The following PER1 variants were observed in gnomAD, a reference collection of about 807,000 sequenced individuals.
PER1 encodes the protein period circadian protein homolog 1.
A neutral mutation model predicts 125.9 loss-of-function variants in PER1; 87 were observed. The observed-to-expected ratio is 0.69, with a 90% confidence interval of 0.58 to 0.83. The LOEUF (loss-of-function observed/expected upper bound fraction) is 0.83. PER1 is among the 40% of genes least tolerant of loss of function. The pLI, the probability that PER1 is intolerant of heterozygous loss-of-function variation, is 0.00. For missense variants in PER1, 1,775 were observed against 1,722.8 expected, an observed-to-expected ratio of 1.03 and a Z score of -0.54; for synonymous variants, 801 against 714.7, an observed-to-expected ratio of 1.12 and a Z score of -1.93.
intron 17 of PER1, 112 bp from the exon 18 acceptor site, chr17:8,145,105 C>T (rs909258189): frequency 1.2e-5 from 14 of 1,180,218 alleles, no homozygotes; most frequent in African/African-American, 7.8e-5. Context: ...CTCTGCCCCA[C>T]AGCCAAGCCT....
chr17:8,143,183 G>T, intron 19 of PER1, 83 bp downstream of exon 19: 1 of 1,041,986 alleles, frequency 9.6e-7, no homozygotes, highest in Non-Finnish European at 1.3e-6. Context: ...CGCCAGCCTG[G>T]CAGAGACAGC....
Position 8,150,697 on chromosome 17 carries a change from G to A in PER1, c.10C>T (p.Pro4Ser), listed in dbSNP as rs1982807676. The A allele has an allele frequency of 2.6e-6, 4 of 1,558,452 alleles. No homozygotes were observed. Among genetic ancestry groups the A allele is most frequent in the Non-Finnish European group, 3.5e-6 (4 of 1,157,920 alleles). MSGPLEGADGGGDP... is the reference protein window; with the variant it reads MSGSLEGADGGGDP... ...CCTCCCCCATCAGCCCCTTCTAGGG[G>A]GCCACTCATGTCTGGGCCATGGGGA... Residue 4 changes from proline to serine, a missense_variant, in exon 2 of 23, where the codon CCC becomes TCC. By Grantham distance (74) the Pro-to-Ser change is moderately conservative. Transcript: ENST00000317276.
In PER1 at chr17:8,143,314, G is replaced by A. The variant is rs201554235; in HGVS notation, c.3024C>T (p.Ala1008=). The A allele has an allele frequency of 1.9e-3, 2,998 of 1,595,170 alleles. 40 individuals are homozygous for A. The South Asian group carries it at 0.029, about 15-fold the overall frequency. ...CCTCCGCACTGGGAGGTGGGGGCCC[G>A]GCACTGCTCCCAGGGCCTCCTGCAA... ...AAVAGGPGSS[A]GPPPPSAEAA... The change falls in exon 19 of 23, where the codon GCC becomes GCT. Residue 1008 remains alanine, a synonymous_variant. Coordinates refer to ENST00000317276, the MANE Select transcript of PER1 (RefSeq NM_002616.3).
intron 17 of PER1, 38 bp from the exon 18 acceptor site, chr17:8,145,031 C>T (rs779433055): frequency 2.1e-6 from 3 of 1,438,748 alleles, no homozygotes; most frequent in African/African-American, 1.4e-5. Flanking sequence ...ATCAGAACCA[C>T]TTCAGGGGTC....
chr17:8,149,370 A>G, intron 6 of PER1, 60 bp from the exon 7 acceptor site: 1 of 1,607,302 alleles, frequency 6.2e-7, no homozygotes, highest in Non-Finnish European at 8.5e-7. Context: ...GCTGCGAAGA[A>G]TCCACTAAGG....
At position 8,150,660 on chromosome 17, in the gene PER1, G is replaced by A. The variant is rs753765505; in HGVS notation, c.47C>T (p.Pro16Leu). ...EGADGGGDPR[P>L]GESFCPGGVP... The stretch of plus-strand genomic sequence containing the variant: ...GCCCCCAGGACAAAATGATTCCCCA[G>A]GCCTGGGGTCCCCTCCCCCATCAGC... The change falls in exon 2 of 23, where the codon CCT becomes CTT. Residue 16 changes from proline (P) to leucine (L), a missense_variant. Transcript: ENST00000317276. 32 of 1,599,438 alleles carry A rather than the reference G, an allele frequency of 2.0e-5. No homozygotes were observed. The highest frequency in any genetic ancestry group is 2.7e-5 in the Non-Finnish European group (32 of 1,173,880).
Position 8,147,654 on chromosome 17 carries a change from CG to C in PER1, c.1388+19del. On this transcript the variant is annotated intron_variant, in intron 11 of 22. Coordinates refer to ENST00000317276, the MANE Select transcript of PER1 (RefSeq NM_002616.3). ...CACTGCCCTATCCCCAACGCCAGCT[CG>C]GGGGCATGGCCCACTTACGTGCGTA... is the stretch of plus-strand genomic sequence containing the variant. 6.2e-7 allele frequency: 1 copy of C among 1,613,816 alleles called. No homozygotes were observed. The highest frequency in any genetic ancestry group is 8.5e-7 in the Non-Finnish European group (1 of 1,179,956).
At chr17:8,151,982 G>A (rs1313910435) in intron 1 of PER1, among the ~76,000 whole-genome samples, 4 of 152,246 alleles carry the variant, frequency 2.6e-5, no homozygotes, top group African/African-American at 4.8e-5. Context: ...GGAGAACAGA[G>A]ACACGGGGAG....
In PER1 at chr17:8,146,133, C is replaced by T. The variant is rs1162785538; in HGVS notation, c.2043G>A (p.Pro681=). The change falls in exon 17 of 23, where the codon CCG becomes CCA. Residue 681 remains proline, a synonymous_variant. Transcript: ENST00000317276. ...GPVSVGTKKD[P]PSAALSGEGA... The stretch of plus-strand genomic sequence containing the variant: ...CCTCCCCAGACAGCGCTGCTGACGG[C>T]GGATCTGTGCAGAGAGATGGTGCCA... 1.5e-5 allele frequency: 24 copies of T among 1,598,520 alleles called. No homozygotes were observed. Among genetic ancestry groups the T allele is most frequent in the Non-Finnish European group, 1.7e-5 (20 of 1,172,576 alleles).
At chr17:8,145,814 G>C (rs1360405748) in intron 17 of PER1, 144 bp downstream of exon 17, 2 of 874,428 alleles carry the variant, frequency 2.3e-6, no homozygotes, top group East Asian at 5.3e-5. Flanking sequence ...GGAGGGGAGA[G>C]CAAGAAGCAG....
rs149659373 is a variant in PER1 at position 8,142,685 on chromosome 17, A to C, written c.3223T>G (p.Ser1075Ala). The change falls in exon 20 of 23, where the codon TCC (serine) becomes GCC (alanine). Residue 1075 changes from serine to alanine, a missense_variant. By Grantham distance (99) the Ser-to-Ala change is moderately conservative. Coordinates refer to ENST00000317276, the MANE Select transcript of PER1 (RefSeq NM_002616.3). The stretch of plus-strand genomic sequence containing the variant: ...GCTGAGGTGCTGCCCCCTTCATGGG[A>C]GCCTGAACCAGACCCAGAGCCCAAG... Reference protein sequence around the residue: ...SGLGSGSGSGSHEGGSTSASI... With the variant: ...SGLGSGSGSGAHEGGSTSASI... 4 of 1,613,928 alleles carry C rather than the reference A, an allele frequency of 2.5e-6. No homozygotes were observed. Among genetic ancestry groups the C allele is most frequent in the Non-Finnish European group, 3.4e-6 (4 of 1,180,000 alleles).
Position 8,142,365 on chromosome 17 carries a change from C to T in PER1, c.3353G>A (p.Gly1118Glu). The change falls in exon 21 of 23, where the codon GGG (glycine) becomes GAG (glutamate). Residue 1118 changes from glycine (G) to glutamate (E), a missense_variant. Physicochemically the swap from Gly to Glu is moderately conservative, Grantham distance 98 (BLOSUM62 -2). Transcript: ENST00000317276. ...AGAARGGAEP[G>E]DQVIKYVLQD... ...GAGCACGTACTTAATCACCTGGTCC[C>T]CAGGCTCAGCCCCGCCCCGAGCAGC... 1 of 1,613,838 alleles carries T rather than the reference C, an allele frequency of 6.2e-7. No homozygotes were observed. The highest frequency in any genetic ancestry group is 8.5e-7 in the Non-Finnish European group (1 of 1,179,930).
intron 18 of PER1, 180 bp from the exon 19 acceptor site, chr17:8,144,056 C>T (rs1275736354): frequency 1.1e-5 from 10 of 927,648 alleles, no homozygotes; most frequent in South Asian, 4.0e-5. Flanking sequence ...ATCACAGGAG[C>T]CAGGGACAAG....
At position 8,150,744 on chromosome 17, in the gene PER1, G is replaced by A. The variant is rs1412336963; in HGVS notation, c.-38C>T. 1 of 1,498,820 alleles carries A rather than the reference G, an allele frequency of 6.7e-7. No individual in the cohort carries two copies. The highest frequency in any genetic ancestry group is 1.3e-5 in the South Asian group (1 of 74,952). 92.8% of individuals were successfully genotyped at this position (1,498,820 alleles called of 1,614,324 possible). ...GGGAGAACAGAACAGAGAAGGCAGA[G>A]AGGCCACCACGGATGCACGAGGGGG... On this transcript the variant is annotated 5_prime_UTR_variant, in exon 2 of 23. Coordinates refer to ENST00000317276, the MANE Select transcript of PER1 (RefSeq NM_002616.3).
chr17:8,150,960 G>A, intron 1 of PER1, 115 bp from the exon 2 acceptor site: 1 of 467,476 alleles, frequency 2.1e-6, no homozygotes, highest in East Asian at 3.2e-5. Context: ...TGATGGGAGT[G>A]GAACCCAGGC....
At position 8,149,575 on chromosome 17, in the gene PER1, T is replaced by A; in HGVS notation, c.740A>T (p.Asp247Val). The A allele has an allele frequency of 6.2e-7, 1 of 1,613,666 alleles. No homozygotes were observed. The highest frequency in any genetic ancestry group is 8.5e-7 in the Non-Finnish European group (1 of 1,179,832). ...AGAGAAGCGGGTACCCCGGAACACG[T>A]CCCGCTTGCAACGCAGCAGGACGGC... is the stretch of plus-strand genomic sequence containing the variant. ...QAAVLLRCKR[D>V]VFRGTRFSEL... The change falls in exon 6 of 23, where the codon GAC (aspartate) becomes GTC (valine). Residue 247 changes from aspartate to valine, a missense_variant. Asp to Val is a radical substitution (Grantham distance 152, BLOSUM62 -3). Coordinates refer to ENST00000317276, the MANE Select transcript of PER1 (RefSeq NM_002616.3).
Position 8,150,009 on chromosome 17 carries a change from G to A in PER1, c.491C>T (p.Thr164Met), listed in dbSNP as rs760115782. Residue 164 changes from threonine to methionine, a missense_variant, in exon 4 of 23, where the codon ACG becomes ATG. Physicochemically the swap from Thr to Met is moderately conservative, Grantham distance 81. Transcript: ENST00000317276. Reference protein sequence around the residue: ...RGKGRSGTLATLQYALACVKQ... With the variant: ...RGKGRSGTLAMLQYALACVKQ... ...GACACAGGCCAGTGCGTACTGCAGCGTGGCCAGGGTCCCAGAGCGGCCCTT... is the reference window on the plus strand; with the variant it reads ...GACACAGGCCAGTGCGTACTGCAGCATGGCCAGGGTCCCAGAGCGGCCCTT... 1.3e-5 allele frequency: 21 copies of A among 1,614,168 alleles called. No individual in the cohort carries two copies. Among genetic ancestry groups the A allele is most frequent in the Admixed American group, 1.7e-5 (1 of 60,030 alleles).
chr17:8,147,076 C>T, intron 13 of PER1, 74 bp from the exon 14 acceptor site: 1 of 1,441,802 alleles, frequency 6.9e-7, no homozygotes, highest in Non-Finnish European at 9.7e-7. Flanking sequence ...CACAATAAAA[C>T]AAGAAGGTAC....
chr17:8,150,990 G>A (rs1982827757), intron 1 of PER1, 145 bp from the exon 2 acceptor site: 8 of 444,778 alleles, frequency 1.8e-5, no homozygotes, highest in South Asian at 1.8e-4. Context: ...CCAATGGGGA[G>A]TCAGGATGTC....
Sources: gnomAD v4.1 joint callset for allele counts (sites outside exome capture counted in the v4.1 genomes callset) on GRCh38, gnomAD v4.1.1 for gene constraint, MANE v1.5 for transcripts, NCBI Gene and HGNC (gene_info 2026-07-23, HGNC 2026-07-21) for gene names.